The following WNT2B variants were observed in gnomAD, a reference collection of about 807,000 sequenced individuals.
WNT2B encodes protein Wnt-2b.
Under a neutral mutation model 40.5 loss-of-function variants are expected in WNT2B, and 19 were observed. The observed-to-expected ratio is 0.47, with a 90% CI of 0.33 to 0.69. The LOEUF is 0.69. Ranked by LOEUF, WNT2B falls within the 30% of genes least tolerant of loss-of-function variation. The pLI, the probability that WNT2B is intolerant of heterozygous loss-of-function variation, is 0.02. For synonymous variants in WNT2B, 220 were observed against 211.9 expected (o/e 1.04, Z -0.33); for missense variants, 467 against 556.4 (o/e 0.84, Z 1.62).
chr1:112,477,546 G>T (rs1173998291), intron 1 of WNT2B, among the ~76,000 whole-genome samples: 2 of 152,274 alleles, frequency 1.3e-5, no homozygotes, highest in Middle Eastern at 3.4e-3. Flanking sequence ...CAAAGAAATA[G>T]AGATCTATGA....
chr1:112,484,179 T>A (rs10857957), intron 1 of WNT2B, among the ~76,000 whole-genome samples: 42,592 of 144,092 alleles, frequency 0.3, 7,283 homozygotes, highest in African/African-American at 0.46. Context: ...ATATCATTTT[T>A]ATATATAATT....
chr1:112,485,676 T>C (rs1428462918), intron 1 of WNT2B, among the ~76,000 whole-genome samples: 1 of 152,198 alleles, frequency 6.6e-6, no homozygotes, highest in African/African-American at 2.4e-5. Context: ...GATATCTATA[T>C]GCAAAAACTA....
chr1:112,507,235 A>T (rs927791231), upstream of WNT2B, among the ~76,000 whole-genome samples: 24 of 152,086 alleles, frequency 1.6e-4, no homozygotes, highest in African/African-American at 5.3e-4. Context: ...TGCACTTACT[A>T]CTTTTTAACA....
chr1:112,493,104 A>T lies in WNT2B; in HGVS notation c.-94-21770A>T, dbSNP rs114183087. 2.0e-3 allele frequency among the ~76,000 whole-genome samples: 309 copies of T among 152,314 alleles called. 2 individuals carry two copies. Among genetic ancestry groups the T allele is most frequent in the Middle Eastern group, 3.4e-3 (1 of 294 alleles). ...TGGAATTATCATACTGGGAATTTTT[A>T]AAAAACTGTGATCAATATGTTAAGA... On this transcript the variant is annotated intron_variant, in intron 1 of 4. Coordinates refer to the WNT2B transcript ENST00000256640.
At position 112,524,417 on chromosome 1, in the gene WNT2B, G is replaced by A. The variant is rs1653102175; in HGVS notation, c.*3908G>A. ...CCTGCAGCCAAATTACAGCACCAGA[G>A]AACAATGTGATGCATTCCTGGGCAG... On this transcript the variant is annotated 3_prime_UTR_variant, in exon 5 of 5. Transcript: ENST00000369684. The A allele has an allele frequency of 1.3e-5, 2 of 152,714 alleles. No individual in the cohort carries two copies. Among genetic ancestry groups the A allele is most frequent in the Non-Finnish European group, 2.9e-5 (2 of 68,120 alleles). 9.5% of individuals were successfully genotyped at this position (152,714 alleles called of 1,614,324 possible).
chr1:112,501,704 G>C (rs1301957853), intron 1 of WNT2B, among the ~76,000 whole-genome samples: 1 of 152,122 alleles, frequency 6.6e-6, no homozygotes, highest in East Asian at 1.9e-4. Context: ...AAAGCTCTTT[G>C]GGGTCCTTGA....
chr1:112,485,476 A>C (rs1475438456), intron 1 of WNT2B, among the ~76,000 whole-genome samples: 5 of 138,544 alleles, frequency 3.6e-5, no homozygotes, highest in Non-Finnish European at 7.9e-5. Flanking sequence ...AAAAAAAAAA[A>C]GGTTATGGTC....
chr1:112,528,806 G>C lies in WNT2B; in HGVS notation c.*8297G>C, dbSNP rs1024907100. On this transcript the variant is annotated 3_prime_UTR_variant, in exon 5 of 5. Transcript: ENST00000369684. ...AATTTTTGCAGCTAGCAGATTTATC[G>C]TATCTGAGGCCATAGTGAATAGAAG... is the stretch of plus-strand genomic sequence containing the variant. 1 of 152,082 alleles carries C rather than the reference G, an allele frequency of 6.6e-6. No individual in the cohort carries two copies. Among genetic ancestry groups the C allele is most frequent in the Non-Finnish European group, 1.5e-5 (1 of 68,026 alleles). The allele number at this position is 152,082 out of a possible 1,614,324, so 9.4% of individuals were successfully genotyped here.
At chr1:112,497,208 G>A (rs1651804411) in intron 1 of WNT2B, among the ~76,000 whole-genome samples, 1 of 152,166 alleles carries the variant, frequency 6.6e-6, no homozygotes, top group Admixed American at 6.5e-5. Flanking sequence ...AGGTCTCAGG[G>A]GTGGTCCTGC....
chr1:112,508,221 G>A (rs117388228), upstream of WNT2B, among the ~76,000 whole-genome samples: 991 of 152,098 alleles, frequency 6.5e-3, 21 homozygotes, highest in East Asian at 0.052. This position sits in a 1 kb window ranked among gnomAD's most constrained non-coding sequence, Gnocchi z 4.2. Context: ...CCGAGGCACA[G>A]AGGGGGAGCG....
intron 1 of WNT2B, among the ~76,000 whole-genome samples, chr1:112,511,508 G>A (rs562671022): frequency 5.3e-5 from 8 of 152,316 alleles, no homozygotes; most frequent in South Asian, 2.1e-4. Flanking sequence ...TGTACAACCC[G>A]TGGAAGAGAA....
chr1:112,518,256 A>G (rs1652666488), intron 4 of WNT2B: 1 of 152,250 alleles, frequency 6.6e-6, no homozygotes, highest in Admixed American at 6.5e-5. Context: ...CAGATAGGTT[A>G]AACTAGGAAC....
chr1:112,467,219 C>T (rs569225260), exon 1 of WNT2B: 2 of 339,950 alleles, frequency 5.9e-6, no homozygotes, highest in Non-Finnish European at 1.1e-5. Flanking sequence ...TGGTGAGAAG[C>T]CTGGGATGGA....
chr1:112,517,482 G>A, intron 4 of WNT2B, 97 bp downstream of exon 4: 1 of 1,440,708 alleles, frequency 6.9e-7, no homozygotes, highest in South Asian at 1.4e-5. Flanking sequence ...GTTAGGGAAG[G>A]GGGTGCTGTG....
At position 112,514,971 on chromosome 1, in the gene WNT2B, C is replaced by A. The variant is rs1438392798; in HGVS notation, c.280C>A (p.Arg94Ser). 1 of 1,614,188 alleles carries A rather than the reference C, an allele frequency of 6.2e-7. No individual in the cohort carries two copies. The change falls in exon 2 of 5, where the codon CGT (arginine) becomes AGT (serine). Residue 94 changes from arginine (R) to serine (S), a missense_variant. Arg to Ser is a moderately radical substitution (Grantham distance 110). Transcript: ENST00000369684. Reference sequence around the variant, plus strand: ...GTGCCAGCGTTACCCAGACATCATGCGTTCAGTGGGCGAGGGTGCCCGAGA... The same window carrying A: ...GTGCCAGCGTTACCCAGACATCATGAGTTCAGTGGGCGAGGGTGCCCGAGA... ...QLCQRYPDIMRSVGEGAREWI... is the reference protein window; with the variant it reads ...QLCQRYPDIMSSVGEGAREWI...
At chr1:112,490,987 G>T (rs376076633) in intron 1 of WNT2B, 1 of 1,609,762 alleles carries the variant, frequency 6.2e-7, no homozygotes, top group Non-Finnish European at 8.5e-7. Context: ...GTTAAATTGC[G>T]CCTGTGTTTT....
chr1:112,508,148 G>A, upstream of WNT2B, among the ~76,000 whole-genome samples: 1 of 152,008 alleles, frequency 6.6e-6, no homozygotes, highest in African/African-American at 2.4e-5. The surrounding 1 kb of genome is among the most constrained non-coding windows in gnomAD (Gnocchi z 4.2). Context: ...CTCTGGTGCG[G>A]GAAAACCTCC....
upstream of WNT2B, among the ~76,000 whole-genome samples, chr1:112,507,127 T>C (rs1242869819): frequency 1.3e-5 from 2 of 152,162 alleles, no homozygotes; most frequent in African/African-American, 4.8e-5. Context: ...ATTCCTTGCC[T>C]CCTTCAAATC....
upstream of WNT2B, among the ~76,000 whole-genome samples, chr1:112,508,545 G>A (rs892256294): frequency 3.3e-5 from 5 of 152,160 alleles, no homozygotes; most frequent in Non-Finnish European, 7.4e-5. The surrounding 1 kb of genome is among the most constrained non-coding windows in gnomAD (Gnocchi z 4.2). Context: ...CCATTTCACA[G>A]AAGCGCAAGG....
Sources: gnomAD v4.1 joint callset for allele counts (sites outside exome capture counted in the v4.1 genomes callset) on GRCh38, gnomAD v4.1.1 for gene constraint, Gnocchi (gnomAD v3.1) non-coding constraint, MANE v1.5 for transcripts, NCBI Gene and HGNC (gene_info 2026-07-23, HGNC 2026-07-21) for gene names.